Variants in FCF1 observed in about 807,000 individuals in gnomAD.
The protein encoded by FCF1 is FCF1 rRNA-processing protein, also known as rRNA-processing protein FCF1 homolog.
Under a neutral mutation model 32.5 loss-of-function variants are expected in FCF1, and 17 were observed. The ratio of observed to expected loss-of-function variants is 0.52; its 90% CI spans 0.36 to 0.78. The LOEUF (loss-of-function observed/expected upper bound fraction) is 0.78. FCF1 is among the 30% of genes least tolerant of loss of function. The pLI, the probability that FCF1 is intolerant of heterozygous loss-of-function variation, is 0.00. For synonymous variants in FCF1, 84 were observed against 78.4 expected, an observed-to-expected ratio of 1.07 and a Z score of -0.38; for missense variants, 201 against 241.1, an observed-to-expected ratio of 0.83 and a Z score of 1.10.
intron 5 of FCF1, among the ~76,000 whole-genome samples, chr14:74,726,150 G>A (rs117961929): frequency 0.012 from 1,854 of 151,780 alleles, 26 homozygotes; most frequent in Middle Eastern, 0.061. Context: ...AGAGTTATGC[G>A]CCAATGTGGA....
At chr14:74,713,263 G>C in intron 1 of FCF1, 63 bp downstream of exon 1, 1 of 1,614,214 alleles carries the variant, frequency 6.2e-7, no homozygotes, top group Non-Finnish European at 8.5e-7. Context: ...GAAGGAGGTA[G>C]TCAGACCGTG....
intron 5 of FCF1, among the ~76,000 whole-genome samples, chr14:74,726,694 G>A (rs1226952656): frequency 6.6e-6 from 1 of 151,556 alleles, no homozygotes; most frequent in African/African-American, 2.4e-5. Flanking sequence ...CCATGCTGGT[G>A]CGCTGCACCC....
intron 5 of FCF1, among the ~76,000 whole-genome samples, chr14:74,728,453 T>C (rs1425951831): frequency 6.6e-6 from 1 of 152,218 alleles, no homozygotes; most frequent in African/African-American, 2.4e-5. Flanking sequence ...ACATTGATTT[T>C]GTATCCTGAG....
At chr14:74,723,148 G>A (rs2090528929) in intron 4 of FCF1, 124 bp from the exon 5 acceptor site, 2 of 678,736 alleles carry the variant, frequency 2.9e-6, no homozygotes, top group East Asian at 2.9e-5. Context: ...GTATATTTCA[G>A]TGTGCTAATT....
rs1487547933 is a variant in FCF1 at position 74,734,922 on chromosome 14, C to T, written c.589C>T (p.Arg197Ter). The T allele has an allele frequency of 6.8e-6, 11 of 1,613,482 alleles. No homozygotes were observed. The highest frequency in any genetic ancestry group is 1.3e-5 in the African/African-American group (1 of 74,890). ...GATGCCAGATGATTATGGAGCCCCTCGATTCTAATTCTTACAAGACACAGT... is the reference window on the plus strand; with the variant it reads ...GATGCCAGATGATTATGGAGCCCCTTGATTCTAATTCTTACAAGACACAGT... The part of the protein sequence containing the change: ...ERMPDDYGAP[R>*]F Residue 197 changes from arginine to a stop codon, truncating the protein, a stop_gained, in exon 8 of 8, where the codon CGA (arginine) becomes TGA (stop). Transcript: ENST00000341162. LOFTEE classifies it high-confidence loss of function.
chr14:74,725,313 T>C (rs996398230), intron 5 of FCF1, among the ~76,000 whole-genome samples: 2 of 150,960 alleles, frequency 1.3e-5, no homozygotes, highest in African/African-American at 4.9e-5. Flanking sequence ...AAACCCTGTC[T>C]CTACTAAAAT....
chr14:74,731,022 G>A (rs1361092384), intron 5 of FCF1, among the ~76,000 whole-genome samples: 1 of 151,940 alleles, frequency 6.6e-6, no homozygotes, highest in Non-Finnish European at 1.5e-5. Context: ...ATTTAGTAGA[G>A]ATAGGGTCTC....
Position 74,738,133 on chromosome 14 carries a change from G to A in FCF1, c.*3203G>A, listed in dbSNP as rs2090723522. 6.7e-6 allele frequency: 1 copy of A among 150,374 alleles called. No individual in the cohort carries two copies. Among genetic ancestry groups the A allele is most frequent in the South Asian group, 2.1e-4 (1 of 4,804 alleles). The allele number at this position is 150,374 out of a possible 1,614,324, so 9.3% of individuals were successfully genotyped here. On this transcript the variant is annotated 3_prime_UTR_variant, in exon 8 of 8. Transcript: ENST00000341162. ...CTCACTCTGTCACCCAGGCTGCAGT[G>A]CGTTGGCACAATCATGACTCACTGC... is the stretch of plus-strand genomic sequence containing the variant.
At position 74,715,777 on chromosome 14, in the gene FCF1, G is replaced by T. The variant is rs1280934198; in HGVS notation, c.144-174G>T. 2.7e-6 allele frequency: 4 copies of T among 1,466,260 alleles called. No individual in the cohort carries two copies. The Admixed American group carries it at 8.2e-5, about 30-fold the overall frequency. The allele number at this position is 1,466,260 out of a possible 1,614,324, so 90.8% of individuals were successfully genotyped here. On this transcript the variant is annotated intron_variant, in intron 3 of 7. Transcript: ENST00000341162. Reference sequence around the variant, plus strand: ...TGACAAAGGTTGCCAGGGGAGCTGAGATTAAGATAATGATATTACTTTCTT... The same window carrying T: ...TGACAAAGGTTGCCAGGGGAGCTGATATTAAGATAATGATATTACTTTCTT...
Position 74,715,960 on chromosome 14 carries a change from C to G in FCF1, c.153C>G (p.His51Gln). 6.2e-7 allele frequency: 1 copy of G among 1,613,770 alleles called. No homozygotes were observed. The highest frequency in any genetic ancestry group is 8.5e-7 in the Non-Finnish European group (1 of 1,179,802). ...TTTCTTTTTCCTTCAGTCCCCAACA[C>G]CCTTCCTGCTTATTTTTCCAATATA... ...SALKEREVPQ[H>Q]PSCLFFQYNT... The change falls in exon 4 of 8, where the codon CAC (histidine) becomes CAG (glutamine). Residue 51 changes from histidine (H) to glutamine (Q), a missense_variant. Physicochemically the swap from His to Gln is conservative, Grantham distance 24. Around this residue, in one of 3 missense-constraint regions of FCF1, gnomAD observed 76 missense variants for 75.0 expected, o/e 1.01. Transcript: ENST00000341162.
chr14:74,714,851 A>G, intron 2 of FCF1, 21 bp from the exon 3 acceptor site: 2 of 1,547,056 alleles, frequency 1.3e-6, no homozygotes, highest in Non-Finnish European at 8.7e-7. Flanking sequence ...CCTTGGATTT[A>G]ATTTACCTTT....
intron 5 of FCF1, 48 bp from the exon 6 acceptor site, chr14:74,732,683 T>A: frequency 7.8e-7 from 1 of 1,275,386 alleles, no homozygotes; most frequent in African/African-American, 1.5e-5. Flanking sequence ...TAATTAAGAC[T>A]CAGAAAGTTA....
chr14:74,738,019 G>GAA lies in FCF1; in HGVS notation c.*3095_*3096dup, dbSNP rs2090722405. The GAA allele has an allele frequency of 1.4e-5, 2 of 147,874 alleles. No individual in the cohort carries two copies. The highest frequency in any genetic ancestry group is 5.0e-5 in the African/African-American group (2 of 40,348). The allele number at this position is 147,874 out of a possible 1,614,324, so 9.2% of individuals were successfully genotyped here. A position where few individuals can be genotyped will look rare whatever the true frequency, so the allele number is the denominator to read the frequency against. The stretch of plus-strand genomic sequence containing the variant: ...AAAAAAAAAAAAAAAAAGAGAGAGA[G>GAA]AAAAAAATTAGTTTCCTACTTCACA... On this transcript the variant is annotated 3_prime_UTR_variant, in exon 8 of 8. Coordinates refer to ENST00000341162, the MANE Select transcript of FCF1 (RefSeq NM_015962.5).
At chr14:74,731,417 A>G (rs1336495428) in intron 5 of FCF1, among the ~76,000 whole-genome samples, 1 of 152,220 alleles carries the variant, frequency 6.6e-6, no homozygotes, top group Admixed American at 6.5e-5. Flanking sequence ...GTCAGCAACC[A>G]GTCCATCCTC....
Position 74,713,213 on chromosome 14 carries a change from G to A in FCF1, c.3+13G>A, listed in dbSNP as rs555273099. Reference sequence around the variant, plus strand: ...TGGCGTGACCATGGTGAGAGAAGACGGTCCAAGAAGGGACGTTATCAGGCC... The same window carrying A: ...TGGCGTGACCATGGTGAGAGAAGACAGTCCAAGAAGGGACGTTATCAGGCC... On this transcript the variant is annotated intron_variant, in intron 1 of 7. Coordinates refer to ENST00000341162, the MANE Select transcript of FCF1 (RefSeq NM_015962.5). 8 of 1,614,190 alleles carry A rather than the reference G, an allele frequency of 5.0e-6. No homozygotes were observed. In the South Asian group the frequency reaches 8.8e-5, roughly 18 times the overall value.
In FCF1 at chr14:74,716,075, A is replaced by G. The variant is rs150265446; in HGVS notation, c.268A>G (p.Met90Val). The G allele has an allele frequency of 2.5e-6, 4 of 1,613,842 alleles. No individual in the cohort carries two copies. The highest frequency in any genetic ancestry group is 1.1e-5 in the South Asian group (1 of 91,078). ...AGCCAAACTGGACTTAGTGCAGTCA[A>G]TGATGGACTGTCTGTATGCCAAGTG... ...IKAKLDLVQS[M>V]MDCLYAKCIP... Residue 90 changes from methionine to valine, a missense_variant, in exon 4 of 8, where the codon ATG (methionine) becomes GTG (valine). Transcript: ENST00000341162.
intron 4 of FCF1, among the ~76,000 whole-genome samples, chr14:74,719,035 G>A (rs927082625): frequency 6.1e-5 from 9 of 148,158 alleles, no homozygotes; most frequent in African/African-American, 2.3e-4. Flanking sequence ...GAGGCTGAGG[G>A]AAGAGAATCT....
chr14:74,717,393 G>A lies in FCF1; in HGVS notation c.292+1294G>A, dbSNP rs144767436. 1.3e-3 allele frequency among the ~76,000 whole-genome samples: 205 copies of A among 152,030 alleles called. 1 individual carries two copies. The highest frequency in any genetic ancestry group is 2.3e-3 in the Non-Finnish European group (157 of 67,982). On this transcript the variant is annotated intron_variant, in intron 4 of 7. Coordinates refer to ENST00000341162, the MANE Select transcript of FCF1 (RefSeq NM_015962.5). ...CTGCATACATTTATTAGCTGCATAC[G>A]TTTATTAAGATGTGAAGGTAGCCAT...
chr14:74,714,101 C>A (rs1419461107), intron 2 of FCF1, among the ~76,000 whole-genome samples: 2 of 152,136 alleles, frequency 1.3e-5, no homozygotes, highest in African/African-American at 4.8e-5. Context: ...AAGCGGTGTC[C>A]CTGCTTAAGT....
Sources: allele counts gnomAD v4.1 joint callset (sites outside exome capture counted in the v4.1 genomes callset), GRCh38; gene constraint gnomAD v4.1.1; regional missense constraint gnomAD v4.1.1; transcripts MANE v1.5; gene names NCBI Gene and HGNC (gene_info 2026-07-23, HGNC 2026-07-21).